The following CALCRL variants were observed in gnomAD, a reference collection of about 807,000 sequenced individuals.
CALCRL encodes the protein calcitonin gene-related peptide type 1 receptor.
In CALCRL, 27 loss-of-function variants were observed where a neutral mutation model predicts 60.4. The ratio of observed to expected loss-of-function variants is 0.45; its 90% CI spans 0.33 to 0.62. CALCRL has a LOEUF of 0.62. Ranked by LOEUF, CALCRL falls within the 20% of genes least tolerant of loss-of-function variation. The pLI, the probability that CALCRL is intolerant of heterozygous loss-of-function variation, is 0.03. For missense variants in CALCRL, 424 were observed against 540.7 expected, an observed-to-expected ratio of 0.78 and a Z score of 2.14; for synonymous variants, 190 against 182.6, an observed-to-expected ratio of 1.04 and a Z score of -0.33.
rs1686139608 is a variant in CALCRL, at chr2:187,342,810, C to T, written c.*3374G>A. Among the ~76,000 whole-genome samples the T allele has an allele frequency of 6.6e-6, 1 of 151,446 alleles. No individual in the cohort carries two copies. The highest frequency in any genetic ancestry group is 2.1e-4 in the South Asian group (1 of 4,790). Reference sequence around the variant, plus strand: ...CATATAGTGTGATATTTTGAATTCTCCTTTGAATTTTTGTAACATCTTACT... The same window carrying T: ...CATATAGTGTGATATTTTGAATTCTTCTTTGAATTTTTGTAACATCTTACT... On this transcript the variant is annotated 3_prime_UTR_variant, in exon 15 of 15. Transcript: ENST00000392370.
chr2:187,351,604 A>T (rs1002553192), intron 14 of CALCRL, among the ~76,000 whole-genome samples: 9 of 151,814 alleles, frequency 5.9e-5, no homozygotes, highest in African/African-American at 2.2e-4. Context: ...GAGATTTGGG[A>T]TTGCCTGGCA....
chr2:187,348,232 G>C (rs1686368137), intron 14 of CALCRL, among the ~76,000 whole-genome samples: 1 of 151,526 alleles, frequency 6.6e-6, no homozygotes, highest in Admixed American at 6.6e-5. Flanking sequence ...CAAATTGAAT[G>C]GCTTCAGATT....
intron 1 of CALCRL, among the ~76,000 whole-genome samples, chr2:187,428,078 A>C (rs1167637643): frequency 6.6e-6 from 1 of 152,214 alleles, no homozygotes; most frequent in Non-Finnish European, 1.5e-5. Flanking sequence ...AGTCTGATTA[A>C]GGGCAAATTA....
In CALCRL at chr2:187,344,509, T is replaced by C. The variant is rs1340935416; in HGVS notation, c.*1675A>G. 3.3e-5 allele frequency: 5 copies of C among 151,692 alleles called. No individual in the cohort carries two copies. The highest frequency in any genetic ancestry group is 3.3e-4 in the Admixed American group (5 of 15,174). The allele number at this position is 151,692 out of a possible 1,614,324, so 9.4% of individuals were successfully genotyped here. A position where few individuals can be genotyped will look rare whatever the true frequency, so the allele number is the denominator to read the frequency against. On this transcript the variant is annotated 3_prime_UTR_variant, in exon 15 of 15. Coordinates refer to ENST00000392370, the MANE Select transcript of CALCRL (RefSeq NM_005795.6). ...ACTAATTGAAGTCATTCTTGTTCTT[T>C]AGAGATTTCAGCGGAAAATAACATT...
chr2:187,415,687 T>A, intron 1 of CALCRL: 1 of 594,852 alleles, frequency 1.7e-6, no homozygotes. Flanking sequence ...CCAGGTTGTC[T>A]CCTCCGACTT....
intron 12 of CALCRL, among the ~76,000 whole-genome samples, chr2:187,358,082 G>A (rs544223200): frequency 6.6e-6 from 1 of 152,186 alleles, no homozygotes; most frequent in South Asian, 2.1e-4. Flanking sequence ...TTCAAATAAT[G>A]TAATACACTT....
At chr2:187,355,648 T>G (rs570898088) in intron 12 of CALCRL, among the ~76,000 whole-genome samples, 5 of 151,884 alleles carry the variant, frequency 3.3e-5, no homozygotes, top group Non-Finnish European at 7.4e-5. Flanking sequence ...CAAGCACATA[T>G]ATAAATAACT....
At chr2:187,408,436 A>G (rs1689224717) in intron 1 of CALCRL, among the ~76,000 whole-genome samples, 1 of 152,078 alleles carries the variant, frequency 6.6e-6, no homozygotes, top group African/African-American at 2.4e-5. Context: ...GAGAATCTAG[A>G]AATAAAACCC....
At chr2:187,348,265 G>A (rs1222706507) in intron 14 of CALCRL, among the ~76,000 whole-genome samples, 5 of 151,572 alleles carry the variant, frequency 3.3e-5, no homozygotes, top group Non-Finnish European at 1.5e-5. Context: ...TACATATTCA[G>A]AGATTCAAAA....
At chr2:187,400,187 A>G (rs1263445959) in intron 1 of CALCRL, among the ~76,000 whole-genome samples, 2 of 151,532 alleles carry the variant, frequency 1.3e-5, no homozygotes, top group Non-Finnish European at 1.5e-5. Context: ...GTATTGAAAT[A>G]TCACCCCATA....
intron 8 of CALCRL, among the ~76,000 whole-genome samples, chr2:187,365,767 AG>A (rs1346743543): frequency 1.4e-4 from 22 of 152,320 alleles, no homozygotes; most frequent in African/African-American, 5.3e-4. Flanking sequence ...ATGCAACTGG[AG>A]GACACTACAT....
At chr2:187,420,529 C>T (rs1689823488) in intron 1 of CALCRL, among the ~76,000 whole-genome samples, 1 of 151,496 alleles carries the variant, frequency 6.6e-6, no homozygotes, top group African/African-American at 2.4e-5. Flanking sequence ...AATTCTTGTC[C>T]ACTACTGCCA....
At chr2:187,433,914 T>C (rs11677900) in intron 1 of CALCRL, among the ~76,000 whole-genome samples, 1 of 152,074 alleles carries the variant, frequency 6.6e-6, no homozygotes, top group Non-Finnish European at 1.5e-5. Flanking sequence ...CTATGATGTT[T>C]TGACGCCTAA....
intron 1 of CALCRL, among the ~76,000 whole-genome samples, chr2:187,433,742 A>G (rs1370175146): frequency 6.6e-6 from 1 of 152,092 alleles, no homozygotes; most frequent in Admixed American, 6.6e-5. Context: ...GTGAAATATA[A>G]CAACTTATCT....
chr2:187,424,642 G>A (rs889000186), intron 1 of CALCRL, among the ~76,000 whole-genome samples: 6 of 151,860 alleles, frequency 4.0e-5, no homozygotes, highest in Admixed American at 3.9e-4. Flanking sequence ...AAAAAAATTG[G>A]ATAACCTTGG....
intron 1 of CALCRL, among the ~76,000 whole-genome samples, chr2:187,396,009 C>T (rs987595127): frequency 2.1e-5 from 2 of 95,012 alleles, no homozygotes; most frequent in East Asian, 1.1e-3. Context: ...AACCAAATCT[C>T]TCCTGACACT....
chr2:187,397,641 T>G (rs1455957290), intron 1 of CALCRL, among the ~76,000 whole-genome samples: 4 of 151,630 alleles, frequency 2.6e-5, no homozygotes, highest in Non-Finnish European at 5.9e-5. Context: ...AACCATCACC[T>G]GAATAGTATA....
chr2:187,416,248 A>C (rs2105860787), intron 1 of CALCRL, among the ~76,000 whole-genome samples: 1 of 152,304 alleles, frequency 6.6e-6, no homozygotes, highest in South Asian at 2.1e-4. Flanking sequence ...AAAATAAACA[A>C]ATTTACTAAT....
intron 1 of CALCRL, among the ~76,000 whole-genome samples, chr2:187,442,646 G>A (rs1690972030): frequency 6.6e-6 from 1 of 151,846 alleles, no homozygotes; most frequent in Non-Finnish European, 1.5e-5. Context: ...CCTAAAAGCT[G>A]AATTTATTGG....
Sources: gnomAD v4.1 joint callset for allele counts (sites outside exome capture counted in the v4.1 genomes callset) on GRCh38, gnomAD v4.1.1 for gene constraint, MANE v1.5 for transcripts, NCBI Gene and HGNC (gene_info 2026-07-23, HGNC 2026-07-21) for gene names.